MINAR1: variants seen among roughly 807,000 people sequenced by gnomAD.
The protein encoded by MINAR1 is membrane integral NOTCH2 associated receptor 1, also known as major intrinsically disordered Notch2-binding receptor 1.
A neutral mutation model predicts 65.1 loss-of-function variants in MINAR1; 40 were observed. That is an observed-to-expected ratio of 0.61 (90% confidence interval 0.48 to 0.80). MINAR1 has a LOEUF of 0.80. Ranked by LOEUF, MINAR1 falls within the 30% of genes least tolerant of loss-of-function variation. The probability of loss-of-function intolerance (pLI) is 0.00; values close to 1 mark genes in which losing one functional copy is unlikely to be tolerated. For synonymous variants in MINAR1, 482 were observed against 449.1 expected (o/e 1.07, Z -0.93); for missense variants, 1,128 against 1,148.0 (o/e 0.98, Z 0.25).
chr15:79,442,156 G>T lies in MINAR1; in HGVS notation c.-51+9616G>T, dbSNP rs16970931. On this transcript the variant is annotated intron_variant, in intron 1 of 3. Transcript: ENST00000305428. ...TTAATTATTTCAATTTTGGGATCTT[G>T]TGTGGAAAACCCTTTCACTACCTCA... Among the ~76,000 whole-genome samples, 55 of 149,430 alleles carry T rather than the reference G, an allele frequency of 3.7e-4. No individual in the cohort carries two copies. The East Asian group carries it at 9.4e-3, about 26-fold the overall frequency.
chr15:79,411,546 G>T, the MINAR1 span: 2 of 699,878 alleles, frequency 2.9e-6, no homozygotes, highest in South Asian at 3.0e-5. Flanking sequence ...ATGGAGGGAA[G>T]ACACAGAAGC....
At chr15:79,463,662 GAAATACAAGCTGA>G in intron 3 of MINAR1, 1 of 522,656 alleles carries the variant, frequency 1.9e-6, no homozygotes. Context: ...ACTGTTTAAT[GAAATACAAGCTGA>G]TTTCTCCTTC....
rs372204955 is a variant in MINAR1, at chr15:79,458,108, C to T, written c.1961C>T (p.Pro654Leu). ...IDLNSLTSEG[P>L]SDDSASPRMF... Reference sequence around the variant, plus strand: ...CTGAACTCCTTGACAAGCGAGGGTCCGTCTGATGACAGTGCCTCTCCCCGG... The same window carrying T: ...CTGAACTCCTTGACAAGCGAGGGTCTGTCTGATGACAGTGCCTCTCCCCGG... The change falls in exon 2 of 4, where the codon CCG (proline) becomes CTG (leucine). Residue 654 changes from proline to leucine, a missense_variant. By Grantham distance (98) the Pro-to-Leu change is moderately conservative (BLOSUM62 -3). Coordinates refer to ENST00000305428, the MANE Select transcript of MINAR1 (RefSeq NM_015206.3). 82 of 1,614,148 alleles carry T rather than the reference C, an allele frequency of 5.1e-5. No homozygotes were observed. Among genetic ancestry groups the T allele is most frequent in the African/African-American group, 2.4e-4 (18 of 75,032 alleles).
At chr15:79,463,552 G>T in intron 3 of MINAR1, 1 of 663,304 alleles carries the variant, frequency 1.5e-6, no homozygotes, top group Non-Finnish European at 2.7e-6. Context: ...ATGCTTGATT[G>T]ATTTATGTAT....
At position 79,468,619 on chromosome 15, in the gene MINAR1, T is replaced by TAGCTTTGACTCAATTACAC; in HGVS notation, c.*235_*236insAGCTTTGACTCAATTACAC. ...CGCATTTTTAGAAGTGCAATATCTT[T>TAGCTTTGACTCAATTACAC]TCCTACCAAAAGAACATCATGGACT... On this transcript the variant is annotated 3_prime_UTR_variant, in exon 4 of 4. Transcript: ENST00000305428. 1 of 529,620 alleles carries TAGCTTTGACTCAATTACAC rather than the reference T, an allele frequency of 1.9e-6. No homozygotes were observed. Among genetic ancestry groups the TAGCTTTGACTCAATTACAC allele is most frequent in the Non-Finnish European group, 3.4e-6 (1 of 298,336 alleles). 32.8% of individuals were successfully genotyped at this position (529,620 alleles called of 1,614,324 possible).
At position 79,463,223 on chromosome 15, in the gene MINAR1, G is replaced by C; in HGVS notation, c.2455G>C (p.Glu819Gln). 6.2e-7 allele frequency: 1 copy of C among 1,614,214 alleles called. No homozygotes were observed. Among genetic ancestry groups the C allele is most frequent in the Non-Finnish European group, 8.5e-7 (1 of 1,180,040 alleles). The change falls in exon 3 of 4, where the codon GAG becomes CAG. Residue 819 changes from glutamate (E) to glutamine (Q), a missense_variant. Transcript: ENST00000305428. The part of the protein sequence containing the change: ...NPLYTDMRLT[E>Q]LAEVKRGQPS... ...CCTGTACACAGACATGCGGCTGACC[G>C]AGTTGGCCGAGGTGAAGCGGGGCCA...
chr15:79,457,856 G>A lies in MINAR1; in HGVS notation c.1709G>A (p.Gly570Glu). The change falls in exon 2 of 4, where the codon GGG (glycine) becomes GAG (glutamate). Residue 570 changes from glycine to glutamate, a missense_variant. Transcript: ENST00000305428. ...CACAACTTAACCAAAATTGCCAATG[G>A]GGTCCCCAACAGCAAGGGAGACAAG... ...PEHNLTKIAN[G>E]VPNSKGDKGN... 2 of 1,614,014 alleles carry A rather than the reference G, an allele frequency of 1.2e-6. No individual in the cohort carries two copies. Among genetic ancestry groups the A allele is most frequent in the Non-Finnish European group, 8.5e-7 (1 of 1,180,034 alleles).
chr15:79,443,584 A>G (rs1042238120), intron 1 of MINAR1, among the ~76,000 whole-genome samples: 38 of 152,194 alleles, frequency 2.5e-4, no homozygotes, highest in African/African-American at 8.2e-4. Context: ...TTTTTTTCCA[A>G]TTACATCAAT....
Position 79,463,320 on chromosome 15 carries a change from A to C in MINAR1, c.2552A>C (p.Gln851Pro). The change falls in exon 3 of 4, where the codon CAG becomes CCG. Residue 851 changes from glutamine to proline, a missense_variant and splice_region_variant. Transcript: ENST00000305428. ...DKGKLTALDL[Q>P]TQESLNPNNL... ...GGCAAGCTGACAGCCCTGGACCTGC[A>C]GGTGAGCCTCTCACTGTCCCTGGGT... 6.2e-7 allele frequency: 1 copy of C among 1,611,242 alleles called. No individual in the cohort carries two copies. The highest frequency in any genetic ancestry group is 8.5e-7 in the Non-Finnish European group (1 of 1,177,892).
At chr15:79,453,595 C>G (rs2141290538) in intron 1 of MINAR1, among the ~76,000 whole-genome samples, 1 of 152,282 alleles carries the variant, frequency 6.6e-6, no homozygotes, top group Non-Finnish European at 1.5e-5. Context: ...GCTCTTCTTC[C>G]TCTCTGGTTC....
chr15:79,471,688 G>A lies in MINAR1; in HGVS notation c.*3304G>A, dbSNP rs1896087342. ...CTGTTTACAAGTTATCAAGATAAGA[G>A]CAGTGGCATCACATTTGTTGTTGTT... On this transcript the variant is annotated 3_prime_UTR_variant, in exon 4 of 4. Transcript: ENST00000305428. The A allele has an allele frequency of 6.6e-6, 1 of 152,200 alleles. No homozygotes were observed. The highest frequency in any genetic ancestry group is 2.4e-5 in the African/African-American group (1 of 41,284). The allele number at this position is 152,200 out of a possible 1,614,324, so 9.4% of individuals were successfully genotyped here. A position where few individuals can be genotyped will look rare whatever the true frequency, so the allele number is the denominator to read the frequency against.
In MINAR1 at chr15:79,471,270, C is replaced by A. The variant is rs1896068679; in HGVS notation, c.*2886C>A. 6.6e-6 allele frequency: 1 copy of A among 152,328 alleles called. No homozygotes were observed. Among genetic ancestry groups the A allele is most frequent in the South Asian group, 2.1e-4 (1 of 4,822 alleles). The allele number at this position is 152,328 out of a possible 1,614,324, so 9.4% of individuals were successfully genotyped here. ...GTTATCAAAATTCACTTCGTTTTTC[C>A]TGCATTTTAAAAGTAATAAAATATT... On this transcript the variant is annotated 3_prime_UTR_variant, in exon 4 of 4. Coordinates refer to ENST00000305428, the MANE Select transcript of MINAR1 (RefSeq NM_015206.3).
upstream of MINAR1, among the ~76,000 whole-genome samples, chr15:79,432,172 G>A (rs572426371): frequency 6.6e-6 from 1 of 150,914 alleles, no homozygotes; most frequent in Non-Finnish European, 1.5e-5. Flanking sequence ...TTGAGGGTGA[G>A]GCCGCGTCCC....
rs769816502 is a variant in MINAR1 at position 79,457,815 on chromosome 15, C to T, written c.1668C>T (p.Cys556=). The T allele has an allele frequency of 2.4e-5, 38 of 1,614,006 alleles. No individual in the cohort carries two copies. The East Asian group carries it at 3.8e-4, about 16-fold the overall frequency. Residue 556 remains cysteine, a synonymous_variant, in exon 2 of 4, where the codon TGC becomes TGT. Transcript: ENST00000305428. ...GSLSQLHKSD[C]DSSPEHNLTK... ...TGTCTCAGCTCCATAAGTCAGACTG[C>T]GACAGTTCCCCTGAGCACAACTTAA...
chr15:79,417,174 C>T, the MINAR1 span: 1 of 152,240 alleles, frequency 6.6e-6, no homozygotes, highest in Non-Finnish European at 1.5e-5. Flanking sequence ...CCCACTCAGA[C>T]ATAGGGATTT....
intron 3 of MINAR1, among the ~76,000 whole-genome samples, chr15:79,464,167 G>T (rs1895754229): frequency 3.3e-5 from 5 of 152,166 alleles, no homozygotes; most frequent in African/African-American, 1.2e-4. Flanking sequence ...GTAGCACTGG[G>T]TTTTCATCCA....
intron 1 of MINAR1, among the ~76,000 whole-genome samples, chr15:79,437,091 C>T (rs1424767506): frequency 1.5e-5 from 2 of 133,388 alleles, no homozygotes; most frequent in Non-Finnish European, 3.3e-5. Context: ...CTAGAGGAGG[C>T]TTCAAGTAAC....
intron 1 of MINAR1, among the ~76,000 whole-genome samples, chr15:79,435,654 G>T (rs1350597984): frequency 2.6e-5 from 4 of 152,328 alleles, no homozygotes; most frequent in African/African-American, 9.6e-5. Context: ...AATGGATTAA[G>T]AAATGAAGAG....
chr15:79,450,383 G>A (rs1895151954), intron 1 of MINAR1, among the ~76,000 whole-genome samples: 1 of 152,194 alleles, frequency 6.6e-6, no homozygotes, highest in Non-Finnish European at 1.5e-5. Flanking sequence ...ACATAAGGCA[G>A]ACGCACAAAG....
Sources: allele counts gnomAD v4.1 joint callset (sites outside exome capture counted in the v4.1 genomes callset), GRCh38; gene constraint gnomAD v4.1.1; transcripts MANE v1.5; gene names NCBI Gene and HGNC (gene_info 2026-07-23, HGNC 2026-07-21).